Variants in NAT16 observed in about 807,000 individuals in gnomAD.
NAT16 encodes N-acetyltransferase 16 (putative).
In NAT16, 16 loss-of-function variants were observed where a neutral mutation model predicts 15.9. The ratio of observed to expected loss-of-function variants is 1.01; its 90% CI spans 0.68 to 1.53. The LOEUF is 1.53. NAT16 is among the 40% of genes most tolerant of loss of function. NAT16 has a pLI of 0.00. For synonymous variants in NAT16, 260 were observed against 241.9 expected (o/e 1.07, Z -0.69); for missense variants, 572 against 508.4 (o/e 1.13, Z -1.20).
intron 1 of NAT16, 123 bp from the exon 2 acceptor site, chr7:101,174,934 A>T: frequency 8.5e-7 from 1 of 1,181,182 alleles, no homozygotes; most frequent in East Asian, 3.1e-5. Context: ...CTTTTCTTTT[A>T]TTTATTTACT....
intron 1 of NAT16, among the ~76,000 whole-genome samples, chr7:101,177,496 C>T (rs1297054979): frequency 6.6e-6 from 1 of 152,154 alleles, no homozygotes; most frequent in Non-Finnish European, 1.5e-5. Context: ...GCATGTGCCA[C>T]CACACCTGGC....
Position 101,171,792 on chromosome 7 carries a change from A to C in NAT16, c.*287T>G. 5.2e-6 allele frequency: 2 copies of C among 381,638 alleles called. No individual in the cohort carries two copies. The highest frequency in any genetic ancestry group is 9.5e-6 in the Non-Finnish European group (2 of 211,442). 23.6% of individuals were successfully genotyped at this position (381,638 alleles called of 1,614,324 possible). On this transcript the variant is annotated 3_prime_UTR_variant, in exon 4 of 4. Transcript: ENST00000300303. ...CCTGTGCGGGGACCAGTTCTTTGGAAAAACAGAGGGTGGATAACAGCAGCT... is the reference window on the plus strand; with the variant it reads ...CCTGTGCGGGGACCAGTTCTTTGGACAAACAGAGGGTGGATAACAGCAGCT...
rs71126381 is a variant in NAT16, at chr7:101,178,889, C to CAAAAAAAAAAA, written c.-5+1142_-5+1152dup. Among the ~76,000 whole-genome samples the CAAAAAAAAAAA allele has an allele frequency of 8.5e-3, 528 of 61,956 alleles. 34 individuals are homozygous for CAAAAAAAAAAA. Among genetic ancestry groups the CAAAAAAAAAAA allele is most frequent in the Admixed American group, 0.011 (44 of 4,112 alleles). 40.6% of individuals were successfully genotyped at this position (61,956 alleles called of 152,430 possible). A position where few individuals can be genotyped will look rare whatever the true frequency, so the allele number is the denominator to read the frequency against. ...CTGGGCAACAAGAGTGAAACGCTGT[C>CAAAAAAAAAAA]AAAAAAAAAAAAAAAAAAAAAGAGG... On this transcript the variant is annotated intron_variant, in intron 1 of 3. Transcript: ENST00000300303.
chr7:101,172,430 T>C lies in NAT16; in HGVS notation c.759A>G (p.Glu253=). The C allele has an allele frequency of 6.3e-7, 1 of 1,593,294 alleles. No homozygotes were observed. The highest frequency in any genetic ancestry group is 8.5e-7 in the Non-Finnish European group (1 of 1,173,006). The change falls in exon 4 of 4, where the codon GAA becomes GAG. Residue 253 remains glutamate (E), a synonymous_variant. Transcript: ENST00000300303. The surrounding 1 kb of genome is among the most constrained non-coding windows in gnomAD (Gnocchi z 4.2). ...IQDWQPYRPS[E]SNLRLLAAKG... ...TGGCCGCCAGCAGGCGCAGGTTGCT[T>C]TCGCTAGGCCGGTAGGGCTGCCAGT...
intron 1 of NAT16, among the ~76,000 whole-genome samples, chr7:101,176,625 C>G (rs1797475015): frequency 7.4e-6 from 1 of 135,228 alleles, no homozygotes; most frequent in South Asian, 2.7e-4. Context: ...TGGGCTCTGT[C>G]CACTCCAGGA....
At chr7:101,178,734 A>AAT (rs1797520126) in intron 1 of NAT16, among the ~76,000 whole-genome samples, 1 of 140,612 alleles carries the variant, frequency 7.1e-6, no homozygotes. Flanking sequence ...AAAAAAAAAA[A>AAT]TACAAAAGTA....
At position 101,172,183 on chromosome 7, in the gene NAT16, C is replaced by A. The variant is rs1342876818; in HGVS notation, c.1006G>T (p.Glu336Ter). The A allele has an allele frequency of 1.9e-6, 3 of 1,613,770 alleles. No homozygotes were observed. The highest frequency in any genetic ancestry group is 2.5e-6 in the Non-Finnish European group (3 of 1,179,958). The change falls in exon 4 of 4, where the codon GAG becomes TAG. Residue 336 changes from glutamate (E) to a stop codon, truncating the protein, a stop_gained. Transcript: ENST00000300303. LOFTEE classifies it low-confidence loss of function (END_TRUNC). The surrounding 1 kb of genome is among the most constrained non-coding windows in gnomAD (Gnocchi z 4.2). ...GLNVMCQLFL[E>*]PQLWSQLADF... ...GCCAGCTGTGACCACAGCTGGGGCTCCAGGAAGAGCTGGCACATGACGTTG... is the reference window on the plus strand; with the variant it reads ...GCCAGCTGTGACCACAGCTGGGGCTACAGGAAGAGCTGGCACATGACGTTG...
Position 101,172,020 on chromosome 7 carries a change from G to T in NAT16, c.*59C>A. On this transcript the variant is annotated 3_prime_UTR_variant, in exon 4 of 4. Transcript: ENST00000300303. This position sits in a 1 kb window ranked among gnomAD's most constrained non-coding sequence, Gnocchi z 4.2. ...GTCGGAAATGGCAGGAAAGAGGCTG[G>T]CTGGGGAAACTGCGGAAGGGGGCGG... is the stretch of plus-strand genomic sequence containing the variant. 8.0e-7 allele frequency: 1 copy of T among 1,255,526 alleles called. No homozygotes were observed. The highest frequency in any genetic ancestry group is 2.5e-5 in the East Asian group (1 of 40,784). The allele number at this position is 1,255,526 out of a possible 1,614,324, so 77.8% of individuals were successfully genotyped here. A position where few individuals can be genotyped will look rare whatever the true frequency, so the allele number is the denominator to read the frequency against.
Position 101,173,415 on chromosome 7 carries a change from G to A in NAT16, c.418C>T (p.Gln140Ter), listed in dbSNP as rs775923236. ...TTGACCAGCTGCGAGCAGAAGCGCT[G>A]CAGCAGCCCGGCCACGCCCTTCCCG... ...ERGKGVAGLL[Q>*]RFCSQLVKRQ... The change falls in exon 3 of 4, where the codon CAG (glutamine) becomes TAG (stop). Residue 140 changes from glutamine to a stop codon, truncating the protein, a stop_gained. Coordinates refer to ENST00000300303, the MANE Select transcript of NAT16 (RefSeq NM_198571.3). LOFTEE classifies it high-confidence loss of function. 3 of 1,613,406 alleles carry A rather than the reference G, an allele frequency of 1.9e-6. No homozygotes were observed. Among genetic ancestry groups the A allele is most frequent in the Admixed American group, 3.3e-5 (2 of 59,972 alleles).
chr7:101,175,921 CAA>C (rs34778981), intron 1 of NAT16, among the ~76,000 whole-genome samples: 74,319 of 144,528 alleles, frequency 0.51, 19,507 homozygotes, highest in Admixed American at 0.59. Flanking sequence ...GAACCTGTGT[CAA>C]AAAAAAAAAA....
At chr7:101,175,851 G>A (rs1797453193) in intron 1 of NAT16, among the ~76,000 whole-genome samples, 1 of 151,256 alleles carries the variant, frequency 6.6e-6, no homozygotes, top group African/African-American at 2.4e-5. Flanking sequence ...GAGCCAAGGA[G>A]ACAAAGGTTG....
intron 3 of NAT16, 109 bp downstream of exon 3, chr7:101,173,187 C>A: frequency 9.8e-7 from 1 of 1,018,156 alleles, no homozygotes. Context: ...CCGCGCCACT[C>A]GGTAAAGCCC....
rs372893402 is a variant in NAT16 at position 101,179,623 on chromosome 7, G to A, written c.-5+419C>T. Among the ~76,000 whole-genome samples the A allele has an allele frequency of 4.6e-4, 58 of 127,332 alleles. No homozygotes were observed. In the East Asian group the frequency reaches 0.011, roughly 25 times the overall value. The allele number at this position is 127,332 out of a possible 152,430, so 83.5% of individuals were successfully genotyped here. A position where few individuals can be genotyped will look rare whatever the true frequency, so the allele number is the denominator to read the frequency against. On this transcript the variant is annotated intron_variant, in intron 1 of 3. Transcript: ENST00000300303. Reference sequence around the variant, plus strand: ...GGCAGGGGCCGAGGAAGATGGCCCAGCCAAAGGGGGTGGGGGGAGGGCCCC... The same window carrying A: ...GGCAGGGGCCGAGGAAGATGGCCCAACCAAAGGGGGTGGGGGGAGGGCCCC...
At chr7:101,176,010 C>G (rs768994365) in intron 1 of NAT16, among the ~76,000 whole-genome samples, 15 of 152,212 alleles carry the variant, frequency 9.9e-5, no homozygotes, top group Non-Finnish European at 2.1e-4. Flanking sequence ...GAAACTCCCA[C>G]TGTCACCCCT....
At chr7:101,176,527 A>T (rs1797471887) in intron 1 of NAT16, among the ~76,000 whole-genome samples, 1 of 151,610 alleles carries the variant, frequency 6.6e-6, no homozygotes, top group Non-Finnish European at 1.5e-5. Context: ...AAGAAGAAGA[A>T]AATGTCAAAC....
At chr7:101,176,740 G>T (rs1797476876) in intron 1 of NAT16, among the ~76,000 whole-genome samples, 1 of 151,990 alleles carries the variant, frequency 6.6e-6, no homozygotes, top group African/African-American at 2.4e-5. Context: ...GTCTCTTCCA[G>T]ATCAGCCAAA....
At position 101,173,635 on chromosome 7, in the gene NAT16, C is replaced by A. The variant is rs1235180264; in HGVS notation, c.313-115G>T. ...TGAGCACTCCGCGTCACCACCCGGG[C>A]ACCAGGCCAGGCCTGGGGTAGCACG... On this transcript the variant is annotated intron_variant, in intron 2 of 3. Coordinates refer to ENST00000300303, the MANE Select transcript of NAT16 (RefSeq NM_198571.3). 4 of 984,772 alleles carry A rather than the reference C, an allele frequency of 4.1e-6. No individual in the cohort carries two copies. The Admixed American group carries it at 8.9e-5, about 22-fold the overall frequency. 61.0% of individuals were successfully genotyped at this position (984,772 alleles called of 1,614,324 possible).
chr7:101,174,241 C>T (rs1797411811), intron 2 of NAT16: 1 of 525,300 alleles, frequency 1.9e-6, no homozygotes, highest in East Asian at 3.1e-5. Flanking sequence ...CCAGAAATTC[C>T]TCCGGTGGAT....
chr7:101,176,165 C>A (rs181277141), intron 1 of NAT16, among the ~76,000 whole-genome samples: 22 of 152,190 alleles, frequency 1.4e-4, no homozygotes, highest in African/African-American at 5.3e-4. Flanking sequence ...GTTCCCTGTC[C>A]CCCCACCTCC....
Sources: gnomAD v4.1 joint callset for allele counts (sites outside exome capture counted in the v4.1 genomes callset) on GRCh38, gnomAD v4.1.1 for gene constraint, Gnocchi (gnomAD v3.1) non-coding constraint, MANE v1.5 for transcripts, NCBI Gene and HGNC (gene_info 2026-07-23, HGNC 2026-07-21) for gene names.